Variants in SUPT3H observed in about 807,000 individuals in gnomAD.
The protein encoded by SUPT3H is SPT3 homolog, SAGA and STAGA complex component.
Under a neutral mutation model 44.3 loss-of-function variants are expected in SUPT3H, and 44 were observed. That is an observed-to-expected ratio of 0.99 (90% CI 0.78 to 1.28). The LOEUF (loss-of-function observed/expected upper bound fraction) is 1.28. SUPT3H is among the 50% of genes most tolerant of loss of function. SUPT3H has a pLI of 0.00. For synonymous variants in SUPT3H, 124 were observed against 125.6 expected (o/e 0.99, Z 0.09); for missense variants, 380 against 387.1 (o/e 0.98, Z 0.15).
chr6:44,839,823 T>A (rs1324358465), intron 10 of SUPT3H, among the ~76,000 whole-genome samples: 1 of 152,030 alleles, frequency 6.6e-6, no homozygotes. Context: ...TGCCTCAGCC[T>A]CCCGAGTAGC....
intron 10 of SUPT3H, among the ~76,000 whole-genome samples, chr6:44,862,765 G>C (rs1774875535): frequency 6.6e-6 from 1 of 151,710 alleles, no homozygotes; most frequent in Non-Finnish European, 1.5e-5. Context: ...TTGTCTCATG[G>C]GCAAGGCCCT....
intron 5 of SUPT3H, among the ~76,000 whole-genome samples, chr6:45,007,219 G>T (rs1329709): frequency 0.21 from 31,205 of 151,910 alleles, 3,901 homozygotes; most frequent in Non-Finnish European, 0.29. Context: ...CTGAGCTTTT[G>T]TAAGATTTTC....
At chr6:45,009,612 A>C (rs1433833182) in intron 5 of SUPT3H, among the ~76,000 whole-genome samples, 1 of 152,164 alleles carries the variant, frequency 6.6e-6, no homozygotes, top group African/African-American at 2.4e-5. Flanking sequence ...TGTCAATATC[A>C]ACTGATCCTA....
rs184670571 is a variant in SUPT3H at position 45,286,641 on chromosome 6, G to T, written c.101+78560C>A. Among the ~76,000 whole-genome samples, 360 of 152,306 alleles carry T rather than the reference G, an allele frequency of 2.4e-3. 1 individual carries two copies. Among genetic ancestry groups the T allele is most frequent in the African/African-American group, 7.5e-3 (311 of 41,570 alleles). On this transcript the variant is annotated intron_variant, in intron 2 of 10. Coordinates refer to ENST00000371459, the MANE Select transcript of SUPT3H (RefSeq NM_003599.4). ...AAATAGGAACACTTTTACACTGTTG[G>T]TGGGACTGTAAACTAGTTCAACCAT...
rs191969411 is a variant in SUPT3H at position 45,274,700 on chromosome 6, G to A, written c.101+90501C>T. ...GTTTGAGACCAGTCTGGGCAACACG[G>A]TGAAACCCTGTCTGTATTAAAAATA... is the stretch of plus-strand genomic sequence containing the variant. On this transcript the variant is annotated intron_variant, in intron 2 of 10. Transcript: ENST00000371459. 1.6e-4 allele frequency among the ~76,000 whole-genome samples: 24 copies of A among 152,224 alleles called. 1 individual carries two copies. In the Middle Eastern group the frequency reaches 0.017, roughly 108 times the overall value.
chr6:45,214,387 G>C (rs1764687548), intron 2 of SUPT3H, among the ~76,000 whole-genome samples: 1 of 151,764 alleles, frequency 6.6e-6, no homozygotes, highest in Non-Finnish European at 1.5e-5. Context: ...AGGATTACTT[G>C]GAGAAAGGAA....
intron 10 of SUPT3H, among the ~76,000 whole-genome samples, chr6:44,887,516 C>T (rs1254917596): frequency 6.6e-6 from 1 of 152,166 alleles, no homozygotes; most frequent in African/African-American, 2.4e-5. Flanking sequence ...TCCTGAATGA[C>T]TACTGGGTAC....
intron 10 of SUPT3H, among the ~76,000 whole-genome samples, chr6:44,929,653 C>T (rs766361420): frequency 1.3e-5 from 2 of 152,058 alleles, no homozygotes; most frequent in East Asian, 3.9e-4. Flanking sequence ...AGCTCAAAGC[C>T]AAGGTGGCAA....
intron 2 of SUPT3H, among the ~76,000 whole-genome samples, chr6:45,357,731 T>A (rs778941362): frequency 6.6e-6 from 1 of 152,134 alleles, no homozygotes; most frequent in Admixed American, 6.5e-5. Context: ...CTACATAACA[T>A]TGCTAATTTT....
chr6:45,070,746 A>AAC (rs1794248026), intron 3 of SUPT3H, among the ~76,000 whole-genome samples: 1 of 150,988 alleles, frequency 6.6e-6, no homozygotes, highest in Non-Finnish European at 1.5e-5. Flanking sequence ...AAACAAAAAA[A>AAC]AAAAAAAAAA....
intron 3 of SUPT3H, among the ~76,000 whole-genome samples, chr6:45,084,887 C>T (rs1010681815): frequency 4.6e-5 from 7 of 152,128 alleles, no homozygotes; most frequent in Non-Finnish European, 4.4e-5. Flanking sequence ...TGCATGTTTT[C>T]ACCTGTTAGT....
At chr6:45,232,162 G>A (rs1051561080) in intron 2 of SUPT3H, among the ~76,000 whole-genome samples, 5 of 152,124 alleles carry the variant, frequency 3.3e-5, no homozygotes, top group African/African-American at 1.2e-4. Flanking sequence ...CTGCACATCT[G>A]GTGGAACAGC....
intron 10 of SUPT3H, among the ~76,000 whole-genome samples, chr6:44,920,155 G>A (rs979164389): frequency 6.6e-6 from 1 of 152,018 alleles, no homozygotes; most frequent in Non-Finnish European, 1.5e-5. Context: ...TGGGATTACA[G>A]GCATGAGTCA....
At chr6:44,893,993 T>C (rs1196677311) in intron 10 of SUPT3H, among the ~76,000 whole-genome samples, 5 of 139,780 alleles carry the variant, frequency 3.6e-5, no homozygotes, top group Admixed American at 7.5e-5. Flanking sequence ...CATTTTTTCA[T>C]GTGTTTTTTG....
chr6:44,888,270 C>T (rs2153439281), intron 10 of SUPT3H, among the ~76,000 whole-genome samples: 1 of 152,222 alleles, frequency 6.6e-6, no homozygotes, highest in Middle Eastern at 3.4e-3. Context: ...TTTTATGAGG[C>T]CAGCATCATC....
At chr6:45,279,342 G>A (rs1584651540) in intron 2 of SUPT3H, among the ~76,000 whole-genome samples, 1 of 152,166 alleles carries the variant, frequency 6.6e-6, no homozygotes, top group African/African-American at 2.4e-5. Context: ...GTATGTTTGT[G>A]TGCATGTATG....
chr6:45,312,213 T>TA (rs1784062373), intron 2 of SUPT3H, among the ~76,000 whole-genome samples: 1 of 151,854 alleles, frequency 6.6e-6, no homozygotes, highest in Non-Finnish European at 1.5e-5. Context: ...CAACAACAGT[T>TA]AAAAAAGACA....
chr6:44,848,122 C>T (rs915203847), intron 10 of SUPT3H, among the ~76,000 whole-genome samples: 115 of 139,000 alleles, frequency 8.3e-4, no homozygotes, highest in African/African-American at 2.7e-3. Flanking sequence ...TGTGCCACCA[C>T]ACTCAGCTAA....
intron 2 of SUPT3H, among the ~76,000 whole-genome samples, chr6:45,230,687 T>TATATATATA (rs1562747092): frequency 9.0e-5 from 9 of 99,648 alleles, no homozygotes; most frequent in South Asian, 3.1e-4. Context: ...TATATATATA[T>TATATATATA]TTTTGAGATG....
Sources: allele counts gnomAD v4.1 joint callset (sites outside exome capture counted in the v4.1 genomes callset), GRCh38; gene constraint gnomAD v4.1.1; transcripts MANE v1.5; gene names NCBI Gene and HGNC (gene_info 2026-07-23, HGNC 2026-07-21).